The following OSBPL8 variants were observed in gnomAD, a reference collection of about 807,000 sequenced individuals.
The protein encoded by OSBPL8 is oxysterol binding protein like 8.
In OSBPL8, 59 loss-of-function variants were observed where a neutral mutation model predicts 125.5. The ratio of observed to expected loss-of-function variants is 0.47; its 90% CI spans 0.38 to 0.58. The LOEUF (loss-of-function observed/expected upper bound fraction) is 0.58. Ranked by LOEUF, OSBPL8 falls within the 20% of genes least tolerant of loss-of-function variation. The probability of loss-of-function intolerance (pLI) is 0.00; values close to 1 mark genes in which losing one functional copy is unlikely to be tolerated. For missense variants in OSBPL8, 758 were observed against 1,047.8 expected (o/e 0.72, Z 3.82); for synonymous variants, 330 against 338.9 (o/e 0.97, Z 0.29).
Position 76,401,496 on chromosome 12 carries a change from A to AC in OSBPL8, c.366+1192_366+1193insG, listed in dbSNP as rs1350556829. 7.2e-5 allele frequency among the ~76,000 whole-genome samples: 11 copies of AC among 152,172 alleles called. No homozygotes were observed. The East Asian group carries it at 2.1e-3, about 29-fold the overall frequency. ...TCCTCACAACAACCTTGTGAAGTAG[A>AC]AGTATTATTATCCTTATTTTACAGA... On this transcript the variant is annotated intron_variant, in intron 6 of 23. Transcript: ENST00000261183.
rs1196360676 is a variant in OSBPL8 at position 76,389,719 on chromosome 12, A to T, written c.1278T>A (p.Pro426=). Residue 426 remains proline, a synonymous_variant, in exon 12 of 24, where the codon CCT becomes CCA. Transcript: ENST00000261183. The part of the protein sequence containing the change: ...PGMDLSKVVL[P]TFILEPRSFL... The stretch of plus-strand genomic sequence containing the variant: ...AAGAACGGGGTTCCAAAATAAATGT[A>T]GGCAGAACCACCTTGGATAGGTCCA... 11 of 1,608,212 alleles carry T rather than the reference A, an allele frequency of 6.8e-6. No homozygotes were observed. The highest frequency in any genetic ancestry group is 9.4e-6 in the Non-Finnish European group (11 of 1,176,402).
chr12:76,471,729 T>C (rs1302537518), intron 2 of OSBPL8, among the ~76,000 whole-genome samples: 1 of 152,224 alleles, frequency 6.6e-6, no homozygotes, highest in Non-Finnish European at 1.5e-5. Context: ...GTCAATCTTA[T>C]GTCATGCATT....
At chr12:76,507,741 T>C (rs1880553921) in intron 1 of OSBPL8, among the ~76,000 whole-genome samples, 1 of 151,584 alleles carries the variant, frequency 6.6e-6, no homozygotes, top group South Asian at 2.1e-4. Flanking sequence ...GAGAAATCAC[T>C]TGAACCCAGG....
At chr12:76,418,637 C>T (rs1869049342) in intron 4 of OSBPL8, among the ~76,000 whole-genome samples, 1 of 152,022 alleles carries the variant, frequency 6.6e-6, no homozygotes, top group Non-Finnish European at 1.5e-5. Context: ...TCGAGACCAG[C>T]CTGGCCAACA....
intron 1 of OSBPL8, among the ~76,000 whole-genome samples, chr12:76,490,896 C>T (rs540304555): frequency 7.8e-4 from 119 of 152,352 alleles, no homozygotes; most frequent in African/African-American, 2.6e-3. Flanking sequence ...TGCAGCAGAG[C>T]CTGCACGGAG....
chr12:76,517,639 G>A (rs1881681738), intron 1 of OSBPL8, among the ~76,000 whole-genome samples: 1 of 152,102 alleles, frequency 6.6e-6, no homozygotes, highest in African/African-American at 2.4e-5. Flanking sequence ...AATGAGGCTG[G>A]GTAATTTATA....
chr12:76,393,997 C>T (rs2136311425), intron 9 of OSBPL8, among the ~76,000 whole-genome samples: 1 of 152,096 alleles, frequency 6.6e-6, no homozygotes, highest in East Asian at 1.9e-4. Context: ...TCCAGGCTGG[C>T]AACAGAGCGA....
chr12:76,507,460 C>T (rs1880525138), intron 1 of OSBPL8, among the ~76,000 whole-genome samples: 1 of 151,702 alleles, frequency 6.6e-6, no homozygotes, highest in Non-Finnish European at 1.5e-5. Context: ...GACTTCCTAT[C>T]TCCCAGGATG....
chr12:76,434,161 C>T (rs1227509913), intron 4 of OSBPL8, among the ~76,000 whole-genome samples: 1 of 151,956 alleles, frequency 6.6e-6, no homozygotes, highest in East Asian at 1.9e-4. Context: ...ACAGACATAT[C>T]GACCAATGGA....
chr12:76,501,643 A>G (rs1232242984), intron 1 of OSBPL8, among the ~76,000 whole-genome samples: 1 of 152,336 alleles, frequency 6.6e-6, no homozygotes, highest in East Asian at 1.9e-4. Context: ...AGCCATGGTG[A>G]CAGGGATGGA....
At chr12:76,523,625 G>C (rs907638766) in intron 1 of OSBPL8, among the ~76,000 whole-genome samples, 1 of 152,108 alleles carries the variant, frequency 6.6e-6, no homozygotes, top group Non-Finnish European at 1.5e-5. Context: ...AGAGATACAA[G>C]AGAGCTTGCT....
At chr12:76,547,861 T>A (rs1950823881) in intron 1 of OSBPL8, among the ~76,000 whole-genome samples, 1 of 151,986 alleles carries the variant, frequency 6.6e-6, no homozygotes, top group South Asian at 2.1e-4. Context: ...CAAGTTGGGG[T>A]AGGGGACAAC....
intron 4 of OSBPL8, among the ~76,000 whole-genome samples, chr12:76,438,265 C>T (rs1565897342): frequency 6.6e-6 from 1 of 151,208 alleles, no homozygotes; most frequent in Non-Finnish European, 1.5e-5. Context: ...GGATTACAGG[C>T]ATGAGCCACT....
intron 1 of OSBPL8, among the ~76,000 whole-genome samples, chr12:76,494,149 G>A (rs927414706): frequency 1.3e-5 from 2 of 152,098 alleles, no homozygotes; most frequent in Non-Finnish European, 2.9e-5. Flanking sequence ...ATCTCCATTT[G>A]GGGAGGGTTG....
chr12:76,469,034 C>T lies in OSBPL8; in HGVS notation c.43-9139G>A, dbSNP rs76188450. On this transcript the variant is annotated intron_variant, in intron 2 of 23. Coordinates refer to ENST00000261183, the MANE Select transcript of OSBPL8 (RefSeq NM_020841.5). Reference sequence around the variant, plus strand: ...CTTTCCCTAGCTCACCTAACACTGACCACACCTCTAGCATTTGCCACTGCT... The same window carrying T: ...CTTTCCCTAGCTCACCTAACACTGATCACACCTCTAGCATTTGCCACTGCT... Among the ~76,000 whole-genome samples the T allele has an allele frequency of 9.8e-3, 1,498 of 152,290 alleles. 18 individuals carry two copies. The highest frequency in any genetic ancestry group is 0.055 in the East Asian group (282 of 5,174).
chr12:76,448,297 AATAAAT>A (rs1872958415), intron 4 of OSBPL8, among the ~76,000 whole-genome samples: 1 of 152,190 alleles, frequency 6.6e-6, no homozygotes, highest in African/African-American at 2.4e-5. Flanking sequence ...AAACATTCAT[AATAAAT>A]ATAAACAAGT....
Position 76,484,886 on chromosome 12 carries a change from T to C in OSBPL8, c.42+2624A>G, listed in dbSNP as rs189653517. 3.2e-3 allele frequency among the ~76,000 whole-genome samples: 480 copies of C among 152,300 alleles called. 2 individuals carry two copies. The highest frequency in any genetic ancestry group is 3.7e-3 in the Non-Finnish European group (252 of 68,030). On this transcript the variant is annotated intron_variant, in intron 2 of 23. Transcript: ENST00000261183. Reference sequence around the variant, plus strand: ...ATAATATTTCACAGAAGGAACCTAATGAACAAGAAAAGAAAAACTGTTCTC... The same window carrying C: ...ATAATATTTCACAGAAGGAACCTAACGAACAAGAAAAGAAAAACTGTTCTC...
intron 3 of OSBPL8, among the ~76,000 whole-genome samples, chr12:76,459,255 T>C (rs1407643197): frequency 6.6e-6 from 1 of 152,158 alleles, no homozygotes; most frequent in Non-Finnish European, 1.5e-5. Flanking sequence ...AGCTAGACTA[T>C]AAAAATTTTT....
intron 2 of OSBPL8, among the ~76,000 whole-genome samples, chr12:76,478,935 A>G (rs1335638790): frequency 1.3e-5 from 2 of 152,098 alleles, no homozygotes; most frequent in East Asian, 1.9e-4. Context: ...AATACAAAAA[A>G]TTAGCCGGGT....
Sources: gnomAD v4.1 joint callset for allele counts (sites outside exome capture counted in the v4.1 genomes callset) on GRCh38, gnomAD v4.1.1 for gene constraint, MANE v1.5 for transcripts, NCBI Gene and HGNC (gene_info 2026-07-23, HGNC 2026-07-21) for gene names.